The following MEI4 variants were observed in gnomAD, a reference collection of about 807,000 sequenced individuals.
The protein encoded by MEI4 is meiotic double-stranded break formation protein 4.
A neutral mutation model predicts 31.4 loss-of-function variants in MEI4; 27 were observed. The ratio of observed to expected loss-of-function variants is 0.86; its 90% confidence interval spans 0.63 to 1.19. The LOEUF (loss-of-function observed/expected upper bound fraction) is 1.19, where lower values mean the gene tolerates loss of function less well. Among genes scored for constraint, MEI4 ranks in the 50% most tolerant of loss-of-function variants. The probability of loss-of-function intolerance (pLI) is 0.00; values close to 1 mark genes in which losing one functional copy is unlikely to be tolerated. For missense variants in MEI4, 329 were observed against 398.9 expected (o/e 0.82, Z 1.49); for synonymous variants, 122 against 145.4 (o/e 0.84, Z 1.16).
chr6:77,794,388 C>T (rs943636191), intron 3 of MEI4, among the ~76,000 whole-genome samples: 3 of 152,072 alleles, frequency 2.0e-5, no homozygotes, highest in African/African-American at 7.2e-5. Context: ...ACGGTGAAAT[C>T]CCGTCTCTAC....
At chr6:77,731,979 T>C (rs1767010340) in intron 2 of MEI4, among the ~76,000 whole-genome samples, 1 of 147,864 alleles carries the variant, frequency 6.8e-6, no homozygotes, top group African/African-American at 2.6e-5. Context: ...TCTGTTCCAT[T>C]GATCTATATC....
intron 4 of MEI4, among the ~76,000 whole-genome samples, chr6:77,907,394 T>A (rs1336111962): frequency 6.6e-6 from 1 of 152,108 alleles, no homozygotes; most frequent in Non-Finnish European, 1.5e-5. Context: ...AGTGTTTGGT[T>A]TTTTGTCCTT....
In MEI4 at chr6:77,743,544, A is replaced by G. The variant is rs565967092; in HGVS notation, c.233-17586A>G. Among the ~76,000 whole-genome samples, 43 of 152,276 alleles carry G rather than the reference A, an allele frequency of 2.8e-4. 1 individual carries two copies. The Middle Eastern group carries it at 0.01, about 36-fold the overall frequency. On this transcript the variant is annotated intron_variant, in intron 2 of 4. Coordinates refer to ENST00000684080, the MANE Select transcript of MEI4 (RefSeq NM_001322247.2). Reference sequence around the variant, plus strand: ...GGGCTGAGATGACGGGGTTTTCTAGATATACAGTCATGTCATCTGCAAACA... The same window carrying G: ...GGGCTGAGATGACGGGGTTTTCTAGGTATACAGTCATGTCATCTGCAAACA...
intron 2 of MEI4, among the ~76,000 whole-genome samples, chr6:77,745,864 A>G (rs1466278434): frequency 6.6e-6 from 1 of 152,246 alleles, no homozygotes; most frequent in Non-Finnish European, 1.5e-5. Flanking sequence ...ATGCTCCTGA[A>G]TGACTACTGG....
intron 1 of MEI4, among the ~76,000 whole-genome samples, chr6:77,679,752 C>T (rs957910255): frequency 6.6e-5 from 10 of 151,774 alleles, no homozygotes; most frequent in African/African-American, 1.4e-4. Context: ...TCCCTCTGCC[C>T]GCGTCCCCAA....
chr6:77,867,261 A>G (rs1771058648), intron 4 of MEI4, among the ~76,000 whole-genome samples: 1 of 152,240 alleles, frequency 6.6e-6, no homozygotes, highest in Admixed American at 6.5e-5. Context: ...GCATAGCAAA[A>G]GAAACTACCA....
intron 4 of MEI4, among the ~76,000 whole-genome samples, chr6:77,830,831 A>G (rs561951072): frequency 6.6e-6 from 1 of 152,190 alleles, no homozygotes; most frequent in Non-Finnish European, 1.5e-5. Flanking sequence ...GCTGTAGGAC[A>G]TTGGCCTGGA....
chr6:77,813,356 A>G (rs754344248), intron 3 of MEI4, among the ~76,000 whole-genome samples: 1 of 152,112 alleles, frequency 6.6e-6, no homozygotes, highest in Non-Finnish European at 1.5e-5. Context: ...AAGTTTTCCA[A>G]TATGCAAGCA....
intron 4 of MEI4, among the ~76,000 whole-genome samples, chr6:77,916,764 T>A (rs1461250751): frequency 2.0e-5 from 1 of 49,024 alleles, no homozygotes; most frequent in Non-Finnish European, 3.5e-5. Context: ...GCACCTCTAA[T>A]TCTTTTTTTT....
At position 77,878,115 on chromosome 6, in the gene MEI4, T is replaced by C. The variant is rs534347682; in HGVS notation, c.901-44974T>C. Among the ~76,000 whole-genome samples the C allele has an allele frequency of 1.1e-4, 17 of 152,260 alleles. 1 individual carries two copies. In the South Asian group the frequency reaches 3.5e-3, roughly 32 times the overall value. On this transcript the variant is annotated intron_variant, in intron 4 of 4. Transcript: ENST00000684080. ...AGATTGGTTTGATTCAGGTACTAAGTAGTCATCAGAGGTGGCATTGTGTTA... is the reference window on the plus strand; with the variant it reads ...AGATTGGTTTGATTCAGGTACTAAGCAGTCATCAGAGGTGGCATTGTGTTA...
chr6:77,752,580 T>C (rs1767804207), intron 2 of MEI4, among the ~76,000 whole-genome samples: 1 of 152,148 alleles, frequency 6.6e-6, no homozygotes, highest in African/African-American at 2.4e-5. Flanking sequence ...CAAGGAGAAC[T>C]ACAAACCACT....
In MEI4 at chr6:77,912,069, A is replaced by T. The variant is rs568591342; in HGVS notation, c.901-11020A>T. ...ATGGATATACAACTTATTTAACATC[A>T]TTTACTAATGTGGGTGTCCTTTTCC... On this transcript the variant is annotated intron_variant, in intron 4 of 4. Transcript: ENST00000684080. Among the ~76,000 whole-genome samples, 7 of 152,132 alleles carry T rather than the reference A, an allele frequency of 4.6e-5. No homozygotes were observed. The East Asian group carries it at 1.2e-3, about 25-fold the overall frequency.
intron 2 of MEI4, among the ~76,000 whole-genome samples, chr6:77,745,248 A>G (rs1363884909): frequency 1.3e-5 from 2 of 152,208 alleles, no homozygotes; most frequent in Non-Finnish European, 2.9e-5. Flanking sequence ...AGACACACAT[A>G]GGCTCAAAAT....
chr6:77,663,359 G>C (rs1413586667), intron 1 of MEI4, among the ~76,000 whole-genome samples: 1 of 151,930 alleles, frequency 6.6e-6, no homozygotes. Context: ...GTGCATGATC[G>C]GTCGCCAAGG....
chr6:77,673,853 C>G (rs1315850531), intron 1 of MEI4, among the ~76,000 whole-genome samples: 1 of 152,064 alleles, frequency 6.6e-6, no homozygotes, highest in Admixed American at 6.6e-5. Context: ...GAATAGTGTC[C>G]TGATATGGTG....
At chr6:77,903,043 C>T (rs1160517390) in intron 4 of MEI4, among the ~76,000 whole-genome samples, 3 of 152,048 alleles carry the variant, frequency 2.0e-5, no homozygotes, top group Non-Finnish European at 4.4e-5. Context: ...CGACATTTTT[C>T]GATGGAGTCT....
chr6:77,706,552 T>G (rs1053293496), intron 2 of MEI4, among the ~76,000 whole-genome samples: 12 of 152,196 alleles, frequency 7.9e-5, no homozygotes, highest in Admixed American at 5.9e-4. Flanking sequence ...TATCTTTTTC[T>G]CCTGTTAACC....
At chr6:77,768,945 T>A (rs1231609667) in intron 3 of MEI4, among the ~76,000 whole-genome samples, 2 of 152,068 alleles carry the variant, frequency 1.3e-5, no homozygotes, top group African/African-American at 4.8e-5. Context: ...GATACCCAAA[T>A]ACAAGCCTCT....
intron 4 of MEI4, among the ~76,000 whole-genome samples, chr6:77,831,160 G>C (rs889407698): frequency 1.5e-5 from 2 of 134,744 alleles, no homozygotes; most frequent in Admixed American, 1.5e-4. Flanking sequence ...AAAAAAAAAA[G>C]CTCAACAATA....
Sources: gnomAD v4.1 joint callset for allele counts (sites outside exome capture counted in the v4.1 genomes callset) on GRCh38, gnomAD v4.1.1 for gene constraint, MANE v1.5 for transcripts, NCBI Gene and HGNC (gene_info 2026-07-23, HGNC 2026-07-21) for gene names.